Variants in IL23R observed in about 807,000 individuals in gnomAD.
IL23R encodes interleukin-23 receptor.
In IL23R, 34 loss-of-function variants were observed where a neutral mutation model predicts 56.9. That is an observed-to-expected ratio of 0.60 (90% CI 0.45 to 0.80). The LOEUF is 0.80. IL23R is among the 30% of genes least tolerant of loss of function. The pLI, the probability that IL23R is intolerant of heterozygous loss-of-function variation, is 0.00. For missense variants in IL23R, 635 were observed against 730.0 expected (o/e 0.87, Z 1.50); for synonymous variants, 230 against 249.2 (o/e 0.92, Z 0.73).
chr1:67,149,214 AT>A (rs1220030778), intron 1 of IL23R, among the ~76,000 whole-genome samples: 1 of 152,082 alleles, frequency 6.6e-6, no homozygotes, highest in Admixed American at 6.5e-5. Context: ...TCTTCTCAGC[AT>A]TTTGTACTTG....
intron 5 of IL23R, among the ~76,000 whole-genome samples, chr1:67,206,112 A>G (rs1339079496): frequency 6.6e-6 from 1 of 151,788 alleles, no homozygotes; most frequent in Non-Finnish European, 1.5e-5. Flanking sequence ...TCCCGGGTTC[A>G]AGCGATCCTC....
intron 5 of IL23R, among the ~76,000 whole-genome samples, chr1:67,205,831 AAGG>A (rs922068194): frequency 5.9e-5 from 9 of 152,144 alleles, no homozygotes; most frequent in African/African-American, 1.7e-4. Context: ...TACACAAGAG[AAGG>A]AGAAGATTAT....
At chr1:67,194,673 A>T (rs1285965029) in intron 4 of IL23R, among the ~76,000 whole-genome samples, 1 of 152,240 alleles carries the variant, frequency 6.6e-6, no homozygotes, top group Non-Finnish European at 1.5e-5. Flanking sequence ...TTGTGGTCTC[A>T]GTATGTGTGG....
intron 5 of IL23R, among the ~76,000 whole-genome samples, chr1:67,202,253 G>A (rs1977160): frequency 0.35 from 52,476 of 152,070 alleles, 9,521 homozygotes; most frequent in Admixed American, 0.46. Flanking sequence ...CCAGGCTGGA[G>A]TGCAGTTGCA....
At chr1:67,161,736 G>T (rs567983916), upstream of IL23R, among the ~76,000 whole-genome samples, 770 of 151,842 alleles carry the variant, frequency 5.1e-3, 2 homozygotes, top group Non-Finnish European at 8.6e-3. Flanking sequence ...CAAGCGATTC[G>T]TTTGCCTCAG....
At chr1:67,186,421 A>T (rs1421820354) in intron 4 of IL23R, among the ~76,000 whole-genome samples, 2 of 152,060 alleles carry the variant, frequency 1.3e-5, no homozygotes, top group African/African-American at 2.4e-5. Context: ...AGCACCCATC[A>T]CTACAATCAA....
At chr1:67,195,491 T>A (rs1372712948) in intron 4 of IL23R, among the ~76,000 whole-genome samples, 1 of 152,198 alleles carries the variant, frequency 6.6e-6, no homozygotes, top group Non-Finnish European at 1.5e-5. Flanking sequence ...AGAGCTTAAG[T>A]AACTTGCTCC....
chr1:67,217,614 A>G (rs1649932336), intron 6 of IL23R, among the ~76,000 whole-genome samples: 1 of 152,006 alleles, frequency 6.6e-6, no homozygotes, highest in South Asian at 2.1e-4. Flanking sequence ...AGGAGACCTC[A>G]GACACTCTCC....
chr1:67,199,859 T>C (rs1397209888), intron 4 of IL23R, among the ~76,000 whole-genome samples: 1 of 152,062 alleles, frequency 6.6e-6, no homozygotes, highest in Non-Finnish European at 1.5e-5. Context: ...AAAGGTTGCA[T>C]ATTTGAAAGC....
intron 2 of IL23R, among the ~76,000 whole-genome samples, chr1:67,168,933 G>A (rs1376929442): frequency 6.6e-6 from 1 of 152,064 alleles, no homozygotes; most frequent in East Asian, 1.9e-4. Context: ...GCCGAGGCGG[G>A]TGGATCACCT....
chr1:67,154,322 C>T (rs1646753682), intron 1 of IL23R, among the ~76,000 whole-genome samples: 1 of 152,144 alleles, frequency 6.6e-6, no homozygotes, highest in African/African-American at 2.4e-5. Flanking sequence ...TGTTAATTCT[C>T]TGTCTCGTTG....
intron 4 of IL23R, among the ~76,000 whole-genome samples, chr1:67,186,208 C>T (rs573599945): frequency 2.6e-5 from 4 of 152,328 alleles, no homozygotes; most frequent in African/African-American, 9.6e-5. Context: ...ACAGAAAAAC[C>T]AGGCAGTGCC....
chr1:67,180,484 C>A (rs10038259), intron 3 of IL23R, among the ~76,000 whole-genome samples: 3 of 152,026 alleles, frequency 2.0e-5, no homozygotes, highest in Non-Finnish European at 2.9e-5. Flanking sequence ...AGATCTTCCT[C>A]CATCCCTTTA....
chr1:67,160,350 T>G (rs1646807535), intron 1 of IL23R, among the ~76,000 whole-genome samples: 1 of 152,210 alleles, frequency 6.6e-6, no homozygotes, highest in Non-Finnish European at 1.5e-5. Context: ...ACTTGAAGTT[T>G]GGAGAGAAGT....
chr1:67,154,465 G>A (rs1416578859), intron 1 of IL23R, among the ~76,000 whole-genome samples: 6 of 152,026 alleles, frequency 3.9e-5, no homozygotes, highest in Non-Finnish European at 8.8e-5. Flanking sequence ...TATATATTTA[G>A]GATAGTTAGC....
intron 1 of IL23R, among the ~76,000 whole-genome samples, chr1:67,140,683 A>T (rs1271923803): frequency 6.6e-6 from 1 of 152,228 alleles, no homozygotes; most frequent in Non-Finnish European, 1.5e-5. Context: ...ATTAATATTT[A>T]GAAATTAATC....
intron 9 of IL23R, among the ~76,000 whole-genome samples, chr1:67,240,677 A>G (rs1487607053): frequency 6.6e-6 from 1 of 152,232 alleles, no homozygotes; most frequent in East Asian, 1.9e-4. Context: ...GATTCTTGAG[A>G]GTGGTGAAGT....
chr1:67,252,147 A>G (rs1480742786), intron 9 of IL23R, among the ~76,000 whole-genome samples: 1 of 152,060 alleles, frequency 6.6e-6, no homozygotes, highest in Non-Finnish European at 1.5e-5. Flanking sequence ...ACTGGAAGGA[A>G]CTCTGCTTTT....
intron 9 of IL23R, among the ~76,000 whole-genome samples, chr1:67,248,580 T>C (rs1348336066): frequency 6.6e-6 from 1 of 152,250 alleles, no homozygotes; most frequent in Non-Finnish European, 1.5e-5. Flanking sequence ...CAGAGGAGTT[T>C]GTTATTACCC....
Sources: gnomAD v4.1 joint callset for allele counts (sites outside exome capture counted in the v4.1 genomes callset) on GRCh38, gnomAD v4.1.1 for gene constraint, MANE v1.5 for transcripts, NCBI Gene and HGNC (gene_info 2026-07-23, HGNC 2026-07-21) for gene names.